Variants in CHD2 observed in about 807,000 individuals in gnomAD.
The protein encoded by CHD2 is chromodomain helicase DNA binding protein 2, also known as ATP-dependent chromatin remodeler CHD2.
CHD2 carries 28 observed loss-of-function variants against 243.9 expected under a neutral mutation model. The ratio of observed to expected loss-of-function variants is 0.11; its 90% CI spans 0.09 to 0.16. The LOEUF (loss-of-function observed/expected upper bound fraction) is 0.16. CHD2 is among the 10% of genes least tolerant of loss of function. CHD2 has a pLI of 1.00. For missense variants in CHD2, 1,386 were observed against 2,209.8 expected, an observed-to-expected ratio of 0.63 and a Z score of 7.47; for synonymous variants, 775 against 779.0, an observed-to-expected ratio of 0.99 and a Z score of 0.09.
At chr15:92,907,863 C>CT (rs1567118456) in intron 2 of CHD2, among the ~76,000 whole-genome samples, 1 of 152,094 alleles carries the variant, frequency 6.6e-6, no homozygotes, top group Non-Finnish European at 1.5e-5. Flanking sequence ...TAGGTTGGCC[C>CT]TGAGGAACTC....
chr15:92,980,072 TCTCG>T (rs2053958926), intron 22 of CHD2, among the ~76,000 whole-genome samples: 1 of 136,986 alleles, frequency 7.3e-6, no homozygotes, highest in African/African-American at 2.6e-5. Context: ...TGAGATGGAG[TCTCG>T]CTCGGTCGCC....
At chr15:92,971,669 T>C (rs1300068647) in intron 17 of CHD2, 96 bp from the exon 18 acceptor site, 14 of 1,080,602 alleles carry the variant, frequency 1.3e-5, no homozygotes, top group African/African-American at 3.3e-5. Flanking sequence ...CCTCTTTTTT[T>C]CTCCACAATA....
At chr15:92,919,488 G>A (rs1170669135) in intron 2 of CHD2, among the ~76,000 whole-genome samples, 1 of 152,032 alleles carries the variant, frequency 6.6e-6, no homozygotes, top group Admixed American at 6.6e-5. Context: ...TGCCTCCTGG[G>A]TTCAAGTGAT....
intron 2 of CHD2, among the ~76,000 whole-genome samples, chr15:92,921,890 A>G (rs960842980): frequency 2.0e-5 from 3 of 152,200 alleles, no homozygotes; most frequent in South Asian, 2.1e-4. Flanking sequence ...AAGTGTTCCT[A>G]TCACTATCCA....
rs2054438446 is a variant in CHD2, at chr15:93,014,901, G to A, written c.4898G>A (p.Ser1633Asn). Residue 1633 changes from serine (S) to asparagine (N), a missense_variant, in exon 37 of 39, where the codon AGT (serine) becomes AAT (asparagine). Around this residue, in one of 19 missense-constraint regions of CHD2, gnomAD observed 347 missense variants for 341.6 expected, o/e 1.02. Transcript: ENST00000394196. ...AATCACCCCAACAAGAGACACTTCA[G>A]TAATGCAGGTAGGTCATTAAGTGGA... Reference protein sequence around the residue: ...NYNHPNKRHFSNADRGDWQRE... With the variant: ...NYNHPNKRHFNNADRGDWQRE... 6.2e-7 allele frequency: 1 copy of A among 1,613,682 alleles called. No homozygotes were observed. The highest frequency in any genetic ancestry group is 8.5e-7 in the Non-Finnish European group (1 of 1,179,600).
intron 12 of CHD2, 83 bp downstream of exon 12, chr15:92,946,299 T>C: frequency 9.0e-7 from 1 of 1,109,578 alleles, no homozygotes; most frequent in Non-Finnish European, 1.2e-6. Context: ...TGAGAAAATA[T>C]TACAAAATGA....
rs538692516 is a variant in CHD2, at chr15:92,923,304, A to C, written c.63-1017A>C. 2.6e-3 allele frequency among the ~76,000 whole-genome samples: 392 copies of C among 152,226 alleles called. 2 individuals are homozygous for C. The highest frequency in any genetic ancestry group is 8.0e-3 in the African/African-American group (331 of 41,528). ...GAGACAGGGTCTCACTGTGACACCCAGGCTGGAGTACAGTGGCGTAATCAT... is the reference window on the plus strand; with the variant it reads ...GAGACAGGGTCTCACTGTGACACCCCGGCTGGAGTACAGTGGCGTAATCAT... On this transcript the variant is annotated intron_variant, in intron 2 of 38. Transcript: ENST00000394196.
At position 92,998,519 on chromosome 15, in the gene CHD2, TA is replaced by T; in HGVS notation, c.3911del (p.Lys1304SerfsTer15). ...TGAAGATTCTGCCGGTGGAGACAGA[TA>T]AAAAGCCTCAGGGGAAGCAGCTACA... ...TDKILPVETD[K>X]KPQGKQLQTR... On this transcript the variant is annotated frameshift_variant, in exon 31 of 39. Transcript: ENST00000394196. LOFTEE classifies it high-confidence loss of function. This position sits in a 1 kb window ranked among gnomAD's most constrained non-coding sequence, Gnocchi z 5.1. 1 of 1,613,842 alleles carries T rather than the reference TA, an allele frequency of 6.2e-7. No homozygotes were observed.
At chr15:92,984,539 T>A in intron 25 of CHD2, 39 bp downstream of exon 25, 7 of 1,559,966 alleles carry the variant, frequency 4.5e-6, no homozygotes, top group Non-Finnish European at 5.2e-6. Context: ...TTATTTCTTA[T>A]GTTGTGAATG....
At chr15:93,016,742 A>G (rs534601298) in intron 37 of CHD2, among the ~76,000 whole-genome samples, 1 of 135,108 alleles carries the variant, frequency 7.4e-6, no homozygotes, top group East Asian at 2.5e-4. Context: ...GGATTGCACC[A>G]CTGCGCTCCA....
At chr15:92,937,849 A>G (rs2053291660) in intron 6 of CHD2, among the ~76,000 whole-genome samples, 1 of 152,236 alleles carries the variant, frequency 6.6e-6, no homozygotes, top group African/African-American at 2.4e-5. Flanking sequence ...CGCTTTTAGT[A>G]AAACTCCTTA....
chr15:92,976,865 C>T (rs1347133565), intron 20 of CHD2, among the ~76,000 whole-genome samples: 7 of 149,954 alleles, frequency 4.7e-5, no homozygotes, highest in Non-Finnish European at 8.9e-5. Context: ...CCCCACTGCA[C>T]TCCAGCCTGG....
At chr15:93,007,503 T>C (rs1156800038) in intron 34 of CHD2, among the ~76,000 whole-genome samples, 1 of 152,202 alleles carries the variant, frequency 6.6e-6, no homozygotes, top group South Asian at 2.1e-4. Context: ...AATTGAAGTA[T>C]AACACAGAAA....
At chr15:93,020,846 T>C (rs183584718) in intron 38 of CHD2, 18 of 154,414 alleles carry the variant, frequency 1.2e-4, no homozygotes, top group African/African-American at 4.3e-4. Context: ...TCATTTGCAC[T>C]GTACCTTGAA....
At chr15:92,917,352 A>C (rs2052859540) in intron 2 of CHD2, among the ~76,000 whole-genome samples, 2 of 152,206 alleles carry the variant, frequency 1.3e-5, no homozygotes, top group Admixed American at 1.3e-4. Flanking sequence ...TGAGGTCCGG[A>C]GTTCAAGACC....
chr15:93,008,225 C>T (rs772210308), intron 34 of CHD2, among the ~76,000 whole-genome samples: 1 of 152,314 alleles, frequency 6.6e-6, no homozygotes, highest in South Asian at 2.1e-4. Flanking sequence ...TGTGGGTCAT[C>T]CTGTGTGACT....
chr15:92,942,093 G>GTT, intron 8 of CHD2, 138 bp downstream of exon 8: 1 of 775,846 alleles, frequency 1.3e-6, no homozygotes, highest in South Asian at 1.8e-5. Context: ...CTGACCCAGT[G>GTT]TTTCAGAGCT....
At chr15:92,968,611 A>C (rs565980551) in intron 17 of CHD2, among the ~76,000 whole-genome samples, 3 of 152,340 alleles carry the variant, frequency 2.0e-5, no homozygotes, top group Non-Finnish European at 2.9e-5. Flanking sequence ...TATTAGGTGG[A>C]ATACTTTTAT....
At chr15:92,942,207 T>C (rs577612758) in intron 8 of CHD2, among the ~76,000 whole-genome samples, 1 of 152,336 alleles carries the variant, frequency 6.6e-6, no homozygotes, top group Non-Finnish European at 1.5e-5. Flanking sequence ...AGATACCTGC[T>C]AATTAACATT....
Sources: allele counts gnomAD v4.1 joint callset (sites outside exome capture counted in the v4.1 genomes callset), GRCh38; gene constraint gnomAD v4.1.1; regional missense constraint gnomAD v4.1.1; non-coding constraint Gnocchi (gnomAD v3.1); transcripts MANE v1.5; gene names NCBI Gene and HGNC (gene_info 2026-07-23, HGNC 2026-07-21).